The following MARCHF11 variants were observed in gnomAD, a reference collection of about 807,000 sequenced individuals.
The protein encoded by MARCHF11 is membrane associated ring-CH-type finger 11.
A neutral mutation model predicts 37.3 loss-of-function variants in MARCHF11; 29 were observed. The ratio of observed to expected loss-of-function variants is 0.78; its 90% CI spans 0.58 to 1.06. The LOEUF (loss-of-function observed/expected upper bound fraction) is 1.06. Ranked by LOEUF, MARCHF11 falls within the 50% of genes least tolerant of loss-of-function variation. The pLI is 0.00. For missense variants in MARCHF11, 482 were observed against 533.4 expected, an observed-to-expected ratio of 0.90 and a Z score of 0.95; for synonymous variants, 233 against 228.0, an observed-to-expected ratio of 1.02 and a Z score of -0.20.
At chr5:16,083,872 TA>T (rs561102962) in intron 3 of MARCHF11, among the ~76,000 whole-genome samples, 1 of 152,322 alleles carries the variant, frequency 6.6e-6, no homozygotes, top group African/African-American at 2.4e-5. Flanking sequence ...GACGATGACC[TA>T]AAGGCATCAT....
chr5:16,175,651 G>A (rs987784329), intron 2 of MARCHF11, among the ~76,000 whole-genome samples: 14 of 152,206 alleles, frequency 9.2e-5, no homozygotes, highest in African/African-American at 2.7e-4. Flanking sequence ...AGAACAGTGC[G>A]TGGCAAAGTA....
intron 2 of MARCHF11, among the ~76,000 whole-genome samples, chr5:16,119,365 T>TAA (rs879795389): frequency 7.1e-6 from 1 of 141,122 alleles, no homozygotes; most frequent in Non-Finnish European, 1.6e-5. Context: ...CCATCTCAAT[T>TAA]AAAAAAAAAA....
At chr5:16,169,741 T>G (rs543959257) in intron 2 of MARCHF11, among the ~76,000 whole-genome samples, 4 of 152,226 alleles carry the variant, frequency 2.6e-5, no homozygotes, top group African/African-American at 9.6e-5. Flanking sequence ...ACAGTGCAGT[T>G]TTTCTTGGCC....
chr5:16,098,024 G>T (rs187960887), intron 2 of MARCHF11, among the ~76,000 whole-genome samples: 6 of 152,158 alleles, frequency 3.9e-5, no homozygotes, highest in African/African-American at 1.4e-4. Context: ...AGAAATGCAA[G>T]GTCAATATAA....
At chr5:16,091,122 T>C (rs769995547) in intron 2 of MARCHF11, 41 bp from the exon 3 acceptor site, 7 of 1,301,116 alleles carry the variant, frequency 5.4e-6, no homozygotes, top group Non-Finnish European at 6.9e-6. Context: ...GAGCTGTGTA[T>C]AATTAAAAAA....
intron 3 of MARCHF11, among the ~76,000 whole-genome samples, chr5:16,072,619 T>C (rs1444216718): frequency 3.8e-4 from 57 of 151,704 alleles, no homozygotes; most frequent in Admixed American, 3.7e-3. Flanking sequence ...AAGAGAGTCT[T>C]CAGCAGACAC....
intron 2 of MARCHF11, among the ~76,000 whole-genome samples, chr5:16,128,211 C>T (rs1373533093): frequency 6.6e-6 from 1 of 152,126 alleles, no homozygotes; most frequent in African/African-American, 2.4e-5. Context: ...TCTGGTGAAG[C>T]ACCACCAAAC....
chr5:16,069,789 A>T (rs1196198645), intron 3 of MARCHF11, among the ~76,000 whole-genome samples: 1 of 152,174 alleles, frequency 6.6e-6, no homozygotes, highest in Non-Finnish European at 1.5e-5. Flanking sequence ...TGTTTTGAGC[A>T]TGTTTTTCTT....
In MARCHF11 at chr5:16,179,373, G is replaced by C; in HGVS notation, c.203C>G (p.Pro68Arg). 8.6e-7 allele frequency: 1 copy of C among 1,164,684 alleles called. No individual in the cohort carries two copies. Among genetic ancestry groups the C allele is most frequent in the Non-Finnish European group, 1.1e-6 (1 of 945,412 alleles). 72.1% of individuals were successfully genotyped at this position (1,164,684 alleles called of 1,614,324 possible). The change falls in exon 1 of 4, where the codon CCG (proline) becomes CGG (arginine). Residue 68 changes from proline (P) to arginine (R), a missense_variant. Coordinates refer to ENST00000332432, the MANE Select transcript of MARCHF11 (RefSeq NM_001102562.3). ...GCACCGCGGGGCCACCTCCCCTAGC[G>C]GCTCGCTTGGCCCCGCGGCGCGCTC... ...TPERAAGPSE[P>R]LGEVAPRCRG... is the part of the protein sequence containing the mutation.
At chr5:16,118,736 A>T (rs1737261570) in intron 2 of MARCHF11, among the ~76,000 whole-genome samples, 1 of 152,162 alleles carries the variant, frequency 6.6e-6, no homozygotes, top group Non-Finnish European at 1.5e-5. Context: ...GGAGGATGCC[A>T]CATACCATGT....
At chr5:16,096,936 C>T (rs998514959) in intron 2 of MARCHF11, among the ~76,000 whole-genome samples, 62 of 152,278 alleles carry the variant, frequency 4.1e-4, no homozygotes, top group African/African-American at 1.4e-3. Context: ...GGAGAGAAGA[C>T]CTGTTCAGGG....
chr5:16,150,124 T>G lies in MARCHF11; in HGVS notation c.693+27602A>C, dbSNP rs766967001. ...CAGGTGTACATGTATAAAAGATTTATCAAGTTATACAGTTTAGATTTATGC... is the reference window on the plus strand; with the variant it reads ...CAGGTGTACATGTATAAAAGATTTAGCAAGTTATACAGTTTAGATTTATGC... On this transcript the variant is annotated intron_variant, in intron 2 of 3. Coordinates refer to ENST00000332432, the MANE Select transcript of MARCHF11 (RefSeq NM_001102562.3). 1.3e-5 allele frequency among the ~76,000 whole-genome samples: 2 copies of G among 149,450 alleles called. 1 individual carries two copies. The highest frequency in any genetic ancestry group is 5.1e-5 in the African/African-American group (2 of 38,950).
intron 2 of MARCHF11, among the ~76,000 whole-genome samples, chr5:16,095,089 T>C (rs1179789970): frequency 6.6e-6 from 1 of 152,204 alleles, no homozygotes; most frequent in East Asian, 1.9e-4. Context: ...CTAGACTATG[T>C]AATAATTCCA....
intron 2 of MARCHF11, among the ~76,000 whole-genome samples, chr5:16,151,128 G>C (rs556220610): frequency 6.6e-6 from 1 of 152,134 alleles, no homozygotes; most frequent in Non-Finnish European, 1.5e-5. Context: ...AGAGAGGTTA[G>C]AGCATATATG....
chr5:16,067,818 C>A (rs754285821), intron 3 of MARCHF11, 25 bp from the exon 4 acceptor site: 3 of 1,578,164 alleles, frequency 1.9e-6, no homozygotes, highest in Admixed American at 1.8e-5. Flanking sequence ...AATAAAAAAC[C>A]AAAAAGACTG....
intron 3 of MARCHF11, among the ~76,000 whole-genome samples, chr5:16,077,629 TC>T (rs1736543577): frequency 6.6e-6 from 1 of 152,176 alleles, no homozygotes; most frequent in Non-Finnish European, 1.5e-5. Flanking sequence ...CTGCATGACA[TC>T]AGTAAGATGC....
intron 2 of MARCHF11, among the ~76,000 whole-genome samples, chr5:16,155,962 G>A (rs941884198): frequency 1.2e-4 from 18 of 151,850 alleles, no homozygotes; most frequent in African/African-American, 7.2e-5. Flanking sequence ...TACTCCAGAC[G>A]GCTCTCAAAC....
chr5:16,159,874 G>A (rs1340929241), intron 2 of MARCHF11, among the ~76,000 whole-genome samples: 2 of 151,792 alleles, frequency 1.3e-5, no homozygotes, highest in African/African-American at 2.4e-5. Flanking sequence ...CCAGCAAGAT[G>A]GCTTGCCATT....
chr5:16,170,576 T>TCATA (rs1444003920), intron 2 of MARCHF11, among the ~76,000 whole-genome samples: 1 of 152,110 alleles, frequency 6.6e-6, no homozygotes, highest in African/African-American at 2.4e-5. Flanking sequence ...TTTCCCTAAA[T>TCATA]CATACTCTCA....
Sources: allele counts gnomAD v4.1 joint callset (sites outside exome capture counted in the v4.1 genomes callset), GRCh38; gene constraint gnomAD v4.1.1; transcripts MANE v1.5; gene names NCBI Gene and HGNC (gene_info 2026-07-23, HGNC 2026-07-21).